Variants in SDK1 observed in about 807,000 individuals in gnomAD.
SDK1 encodes the protein protein sidekick-1.
In SDK1, 157 loss-of-function variants were observed where a neutral mutation model predicts 245.5. The observed-to-expected ratio is 0.64, with a 90% CI of 0.56 to 0.73. The LOEUF (loss-of-function observed/expected upper bound fraction) is 0.73. Among genes scored for constraint, SDK1 ranks in the 30% least tolerant of loss-of-function variants. The pLI, the probability that SDK1 is intolerant of heterozygous loss-of-function variation, is 0.00. For synonymous variants in SDK1, 1,647 were observed against 1,278.5 expected (o/e 1.29, Z -6.15); for missense variants, 3,583 against 3,002.3 (o/e 1.19, Z -4.52).
At chr7:3,746,667 C>A (rs1431044215) in intron 4 of SDK1, among the ~76,000 whole-genome samples, 1 of 152,202 alleles carries the variant, frequency 6.6e-6, no homozygotes, top group Non-Finnish European at 1.5e-5. Flanking sequence ...ATAAGAAATA[C>A]CTCATCATTG....
At chr7:3,998,013 C>T (rs992787013) in intron 14 of SDK1, among the ~76,000 whole-genome samples, 12 of 152,330 alleles carry the variant, frequency 7.9e-5, no homozygotes, top group East Asian at 1.9e-4. Context: ...AGTCTGCAGC[C>T]GCGGGTTTTG....
intron 25 of SDK1, among the ~76,000 whole-genome samples, chr7:4,120,226 C>T (rs537221448): frequency 6.7e-5 from 10 of 148,866 alleles, no homozygotes; most frequent in South Asian, 6.6e-4. Flanking sequence ...AGATAATAGC[C>T]GAGAAATTCC....
intron 1 of SDK1, among the ~76,000 whole-genome samples, chr7:3,430,807 G>A (rs754513753): frequency 2.0e-5 from 3 of 152,212 alleles, no homozygotes; most frequent in Non-Finnish European, 2.9e-5. Flanking sequence ...GCCTCCGGTG[G>A]ATGGAATGAA....
In SDK1 at chr7:3,310,297, G is replaced by T. The variant is rs1027722530; in HGVS notation, c.298+8413G>T. ...TTTGTATTTTAAAGTCATCTTGAGT[G>T]GGGGGAATAAACCATTATTTTTGTT... On this transcript the variant is annotated intron_variant, in intron 1 of 44. Transcript: ENST00000404826. Among the ~76,000 whole-genome samples the T allele has an allele frequency of 2.6e-5, 4 of 152,164 alleles. No homozygotes were observed. In the South Asian group the frequency reaches 8.3e-4, roughly 32 times the overall value.
chr7:4,027,657 A>C (rs1042661523), intron 17 of SDK1, among the ~76,000 whole-genome samples: 1 of 152,256 alleles, frequency 6.6e-6, no homozygotes, highest in Non-Finnish European at 1.5e-5. Flanking sequence ...CCGTTTATGT[A>C]GATGGAAGAG....
chr7:4,208,240 G>A lies in SDK1; in HGVS notation c.5356G>A (p.Asp1786Asn). Residue 1786 changes from aspartate to asparagine, a missense_variant, in exon 37 of 45, where the codon GAT becomes AAT. Transcript: ENST00000404826. ...CATATCAGCCTTCAACGCCGCCGGA[G>A]ATGGACCTAAGAGTGACCCCCAGCA... is the stretch of plus-strand genomic sequence containing the variant. ...VSISAFNAAG[D>N]GPKSDPQQGR... 1.2e-6 allele frequency: 2 copies of A among 1,614,002 alleles called. No homozygotes were observed. Among genetic ancestry groups the A allele is most frequent in the South Asian group, 2.2e-5 (2 of 91,070 alleles).
chr7:3,648,681 T>C (rs1782920659), intron 4 of SDK1, among the ~76,000 whole-genome samples: 1 of 152,234 alleles, frequency 6.6e-6, no homozygotes, highest in Admixed American at 6.5e-5. Flanking sequence ...GTTGTAATAA[T>C]GTTTTTATAG....
chr7:3,605,141 A>ACAC (rs1270723010), intron 1 of SDK1, among the ~76,000 whole-genome samples: 4 of 69,760 alleles, frequency 5.7e-5, no homozygotes, highest in African/African-American at 2.6e-4. Flanking sequence ...AAAAAAAAAC[A>ACAC]AGAAACACAC....
rs1247573800 is a variant in SDK1 at position 3,491,486 on chromosome 7, GA to G, written c.299-127592del. ...GTAGATGTTACAGAAATATGTCGTT[GA>G]ATTGCCTATAAAATGAATTAAAGAT... On this transcript the variant is annotated intron_variant, in intron 1 of 44. Transcript: ENST00000404826. 2.6e-5 allele frequency among the ~76,000 whole-genome samples: 4 copies of G among 152,332 alleles called. 1 individual carries two copies. The South Asian group carries it at 8.3e-4, about 32-fold the overall frequency.
chr7:3,790,999 G>T lies in SDK1; in HGVS notation c.714-30451G>T, dbSNP rs528373541. On this transcript the variant is annotated intron_variant, in intron 4 of 44. Coordinates refer to ENST00000404826, the MANE Select transcript of SDK1 (RefSeq NM_152744.4). ...GTCACTCACTTGCTGTGTGACCTTG[G>T]GCAAGTTACTTAACCTCTCTGTGCT... Among the ~76,000 whole-genome samples, 6 of 152,084 alleles carry T rather than the reference G, an allele frequency of 3.9e-5. No individual in the cohort carries two copies. The South Asian group carries it at 1.2e-3, about 32-fold the overall frequency.
intron 1 of SDK1, among the ~76,000 whole-genome samples, chr7:3,343,541 G>GT (rs1780410535): frequency 6.6e-6 from 1 of 152,150 alleles, no homozygotes; most frequent in South Asian, 2.1e-4. Flanking sequence ...AGAGTGACAT[G>GT]TGGGATCCTT....
At chr7:3,466,287 G>T (rs1002819761) in intron 1 of SDK1, among the ~76,000 whole-genome samples, 1 of 151,540 alleles carries the variant, frequency 6.6e-6, no homozygotes, top group Non-Finnish European at 1.5e-5. Context: ...TCTGCCAAAA[G>T]ACTTTGACCT....
chr7:3,390,314 C>G (rs1033164756), intron 1 of SDK1, among the ~76,000 whole-genome samples: 2 of 152,116 alleles, frequency 1.3e-5, no homozygotes, highest in Non-Finnish European at 2.9e-5. Context: ...AAATATATCT[C>G]TATAAAAGAG....
chr7:3,981,317 A>G (rs183371537), intron 13 of SDK1, among the ~76,000 whole-genome samples: 11 of 152,286 alleles, frequency 7.2e-5, no homozygotes, highest in African/African-American at 2.6e-4. Context: ...CTCCACCAAC[A>G]GGCCATTCCC....
intron 1 of SDK1, among the ~76,000 whole-genome samples, chr7:3,331,429 C>G (rs565703393): frequency 6.6e-6 from 1 of 152,138 alleles, no homozygotes; most frequent in Non-Finnish European, 1.5e-5. Flanking sequence ...TGCGTATTGT[C>G]CATTTGCATA....
intron 44 of SDK1, among the ~76,000 whole-genome samples, chr7:4,256,297 G>A (rs1242326820): frequency 6.6e-6 from 1 of 152,180 alleles, no homozygotes. Flanking sequence ...AGGGTCTGCT[G>A]ACCTCCTCAC....
chr7:3,606,633 A>G (rs550693509), intron 1 of SDK1, among the ~76,000 whole-genome samples: 1 of 152,084 alleles, frequency 6.6e-6, no homozygotes, highest in Non-Finnish European at 1.5e-5. Context: ...CTGTCAGGAA[A>G]CCTGAGTGCA....
At chr7:3,752,125 G>A (rs1384400811) in intron 4 of SDK1, among the ~76,000 whole-genome samples, 1 of 152,108 alleles carries the variant, frequency 6.6e-6, no homozygotes, top group Non-Finnish European at 1.5e-5. Flanking sequence ...AACGTATATT[G>A]CACTTTTCGT....
chr7:3,608,657 G>A (rs944904550), intron 1 of SDK1, among the ~76,000 whole-genome samples: 3 of 152,184 alleles, frequency 2.0e-5, no homozygotes, highest in East Asian at 1.9e-4. Context: ...ACGTGTCAAC[G>A]TTTGGAAGGT....
Sources: gnomAD v4.1 joint callset for allele counts (sites outside exome capture counted in the v4.1 genomes callset) on GRCh38, gnomAD v4.1.1 for gene constraint, MANE v1.5 for transcripts, NCBI Gene and HGNC (gene_info 2026-07-23, HGNC 2026-07-21) for gene names.